Variants in PTPRK observed in about 807,000 individuals in gnomAD.
PTPRK encodes receptor-type tyrosine-protein phosphatase kappa.
Under a neutral mutation model 178.0 loss-of-function variants are expected in PTPRK, and 75 were observed. The ratio of observed to expected loss-of-function variants is 0.42; its 90% CI spans 0.35 to 0.51. The LOEUF (loss-of-function observed/expected upper bound fraction) is 0.51, where lower values mean the gene tolerates loss of function less well. Among genes scored for constraint, PTPRK ranks in the 20% least tolerant of loss-of-function variants. The pLI is 0.02. For synonymous variants in PTPRK, 637 were observed against 620.6 expected, an observed-to-expected ratio of 1.03 and a Z score of -0.39; for missense variants, 1,441 against 1,797.8, an observed-to-expected ratio of 0.80 and a Z score of 3.59.
intron 15 of PTPRK, chr6:127,999,948 T>C (rs1316895357): frequency 5.5e-6 from 5 of 912,036 alleles, no homozygotes; most frequent in Non-Finnish European, 6.5e-6. Flanking sequence ...TAAATTCTTT[T>C]TCTGTCATAA....
At chr6:128,454,067 C>G (rs1259014580) in intron 1 of PTPRK, among the ~76,000 whole-genome samples, 1 of 152,132 alleles carries the variant, frequency 6.6e-6, no homozygotes, top group East Asian at 1.9e-4. Flanking sequence ...AAAGCAACAG[C>G]AACGGTCTTC....
At chr6:128,039,507 T>C (rs1261575283) in intron 13 of PTPRK, among the ~76,000 whole-genome samples, 1 of 152,214 alleles carries the variant, frequency 6.6e-6, no homozygotes, top group Non-Finnish European at 1.5e-5. Flanking sequence ...GATTAGTGAT[T>C]TGTTTTATAA....
At chr6:127,983,097 A>T in intron 23 of PTPRK, 117 bp from the exon 24 acceptor site, 3 of 1,302,838 alleles carry the variant, frequency 2.3e-6, no homozygotes, top group Non-Finnish European at 3.1e-6. Flanking sequence ...AAACACCAAT[A>T]TTTTTCTATA....
In PTPRK at chr6:127,991,217, CTATTT is replaced by C. The variant is rs1022943245; in HGVS notation, c.2979+72_2979+76del. The C allele has an allele frequency of 2.7e-6, 3 of 1,116,170 alleles. No homozygotes were observed. In the African/African-American group the frequency reaches 4.8e-5, roughly 18 times the overall value. 69.1% of individuals were successfully genotyped at this position (1,116,170 alleles called of 1,614,324 possible). On this transcript the variant is annotated intron_variant, in intron 20 of 29. Coordinates refer to ENST00000368226, the MANE Select transcript of PTPRK (RefSeq NM_002844.4). ...TTTTTTTAAACAATTGGATGATATTCTATTTTGAGTGTCTTACATGTTGCTTCTCA... is the reference window on the plus strand; with the variant it reads ...TTTTTTTAAACAATTGGATGATATTCTGAGTGTCTTACATGTTGCTTCTCA...
intron 13 of PTPRK, among the ~76,000 whole-genome samples, chr6:128,036,698 T>A (rs1454593913): frequency 3.3e-5 from 5 of 151,840 alleles, no homozygotes; most frequent in Admixed American, 6.6e-5. Flanking sequence ...TCCTTGATCA[T>A]TTTGAAAATA....
intron 1 of PTPRK, among the ~76,000 whole-genome samples, chr6:128,453,176 C>G (rs1326096566): frequency 1.3e-5 from 2 of 152,150 alleles, no homozygotes; most frequent in Non-Finnish European, 2.9e-5. Context: ...ATGGCAGAAT[C>G]TGAATATTAC....
At chr6:128,006,110 G>T in intron 14 of PTPRK, 2 of 1,343,986 alleles carry the variant, frequency 1.5e-6, no homozygotes, top group South Asian at 1.3e-5. Flanking sequence ...AATGAAAAGC[G>T]TGACTCTGTC....
At chr6:128,003,075 C>A in intron 15 of PTPRK, 1 of 910,686 alleles carries the variant, frequency 1.1e-6, no homozygotes, top group Admixed American at 2.1e-5. Flanking sequence ...TTGATAATAC[C>A]ATGGCTGTCT....
chr6:128,506,144 C>T (rs144313997), intron 1 of PTPRK, among the ~76,000 whole-genome samples: 14 of 152,226 alleles, frequency 9.2e-5, no homozygotes, highest in African/African-American at 3.1e-4. Flanking sequence ...AAACAATATA[C>T]CAACATTCTT....
intron 13 of PTPRK, among the ~76,000 whole-genome samples, chr6:128,012,291 C>T (rs546169280): frequency 6.6e-6 from 1 of 151,046 alleles, no homozygotes; most frequent in Non-Finnish European, 1.5e-5. Context: ...CTTGCTATAA[C>T]CGAGGAACAT....
intron 3 of PTPRK, among the ~76,000 whole-genome samples, chr6:128,294,779 T>C (rs1376310221): frequency 3.3e-5 from 5 of 152,112 alleles, no homozygotes; most frequent in Admixed American, 2.6e-4. Flanking sequence ...GTGCAAAGTT[T>C]CCATAATATG....
chr6:128,361,001 T>G (rs1329769636), intron 2 of PTPRK, among the ~76,000 whole-genome samples: 1 of 152,174 alleles, frequency 6.6e-6, no homozygotes, highest in Non-Finnish European at 1.5e-5. Context: ...TTCTTACACT[T>G]AAGAATTCAG....
intron 1 of PTPRK, among the ~76,000 whole-genome samples, chr6:128,500,238 T>C (rs899261082): frequency 6.6e-6 from 1 of 152,170 alleles, no homozygotes; most frequent in Non-Finnish European, 1.5e-5. Flanking sequence ...TAAAAATCTT[T>C]ATCAGGCCCT....
At chr6:128,008,848 A>G (rs1778731456) in intron 14 of PTPRK, among the ~76,000 whole-genome samples, 1 of 151,136 alleles carries the variant, frequency 6.6e-6, no homozygotes, top group South Asian at 2.1e-4. Flanking sequence ...TATAAGATAA[A>G]TGATCTCAAG....
chr6:128,305,482 A>C (rs1453352114), intron 3 of PTPRK, among the ~76,000 whole-genome samples: 1 of 152,208 alleles, frequency 6.6e-6, no homozygotes, highest in African/African-American at 2.4e-5. Context: ...TAAATGTATT[A>C]TTGCTATGGT....
chr6:127,979,377 C>G (rs1774993727), intron 25 of PTPRK, among the ~76,000 whole-genome samples: 1 of 152,240 alleles, frequency 6.6e-6, no homozygotes, highest in South Asian at 2.1e-4. Flanking sequence ...CAATGCTTTT[C>G]TAAATATTAT....
intron 7 of PTPRK, among the ~76,000 whole-genome samples, chr6:128,177,032 T>G (rs1801178373): frequency 6.6e-6 from 1 of 151,634 alleles, no homozygotes; most frequent in Admixed American, 6.6e-5. Flanking sequence ...GTGTGAGAAT[T>G]GAAGACAGAA....
chr6:128,092,748 T>G (rs1787206349), intron 7 of PTPRK, among the ~76,000 whole-genome samples: 1 of 152,204 alleles, frequency 6.6e-6, no homozygotes, highest in South Asian at 2.1e-4. Flanking sequence ...CAAAGAAATT[T>G]TTCTCAAAGA....
chr6:128,011,196 T>C (rs1562431698), intron 13 of PTPRK, among the ~76,000 whole-genome samples: 1 of 151,212 alleles, frequency 6.6e-6, no homozygotes, highest in Non-Finnish European at 1.5e-5. Context: ...AACAGAAGTT[T>C]GATGTAGAAA....
Sources: allele counts gnomAD v4.1 joint callset (sites outside exome capture counted in the v4.1 genomes callset), GRCh38; gene constraint gnomAD v4.1.1; transcripts MANE v1.5; gene names NCBI Gene and HGNC (gene_info 2026-07-23, HGNC 2026-07-21).